Variants in MIPOL1 observed in about 807,000 individuals in gnomAD.
MIPOL1 encodes mirror-image polydactyly gene 1 protein.
A neutral mutation model predicts 60.9 loss-of-function variants in MIPOL1; 57 were observed. That is an observed-to-expected ratio of 0.94 (90% CI 0.76 to 1.17). MIPOL1 has a LOEUF of 1.17. Ranked by LOEUF, MIPOL1 falls within the 50% of genes most tolerant of loss-of-function variation. MIPOL1 has a pLI of 0.00. For missense variants in MIPOL1, 551 were observed against 511.6 expected, an observed-to-expected ratio of 1.08 and a Z score of -0.74; for synonymous variants, 179 against 168.8, an observed-to-expected ratio of 1.06 and a Z score of -0.47.
chr14:37,204,167 C>T (rs935430151), intron 1 of MIPOL1, among the ~76,000 whole-genome samples: 5 of 151,908 alleles, frequency 3.3e-5, no homozygotes, highest in Non-Finnish European at 7.4e-5. Flanking sequence ...ATGACTGCAC[C>T]CCTGGCTGAC....
At chr14:37,449,099 A>G (rs758082277) in intron 11 of MIPOL1, among the ~76,000 whole-genome samples, 3 of 152,204 alleles carry the variant, frequency 2.0e-5, no homozygotes, top group Non-Finnish European at 4.4e-5. Flanking sequence ...GTCACTTGAG[A>G]AGTATTTTTT....
chr14:37,385,053 T>C (rs2093028434), intron 10 of MIPOL1, among the ~76,000 whole-genome samples: 1 of 152,048 alleles, frequency 6.6e-6, no homozygotes, highest in Non-Finnish European at 1.5e-5. Context: ...GAGTTGTACG[T>C]TAAACTTTCC....
chr14:37,203,282 T>G (rs1188918710), intron 1 of MIPOL1, among the ~76,000 whole-genome samples: 3 of 152,198 alleles, frequency 2.0e-5, no homozygotes, highest in African/African-American at 7.2e-5. Flanking sequence ...TGTTTTAACT[T>G]TTCCTGGAAC....
intron 1 of MIPOL1, among the ~76,000 whole-genome samples, chr14:37,216,317 C>T (rs1386767988): frequency 6.6e-6 from 1 of 152,188 alleles, no homozygotes; most frequent in Admixed American, 6.5e-5. Context: ...GAGAGATAGG[C>T]TTCAATACAG....
At position 37,422,851 on chromosome 14, in the gene MIPOL1, T is replaced by G; in HGVS notation, c.937-4T>G. 5.7e-6 allele frequency: 9 copies of G among 1,588,938 alleles called. No homozygotes were observed. The highest frequency in any genetic ancestry group is 7.7e-6 in the Non-Finnish European group (9 of 1,163,720). ...GAATTTCTTAAAATATTAATTACTT[T>G]TAGGCAAAGTTGTTATCTATGCAAC... On this transcript the variant is annotated splice_region_variant and splice_polypyrimidine_tract_variant and intron_variant, in intron 10 of 12. Coordinates refer to ENST00000684589, the MANE Select transcript of MIPOL1 (RefSeq NM_001388067.1).
intron 11 of MIPOL1, among the ~76,000 whole-genome samples, chr14:37,458,317 A>G (rs1045399847): frequency 3.9e-5 from 6 of 152,224 alleles, no homozygotes; most frequent in Non-Finnish European, 8.8e-5. Context: ...GACCAAATGA[A>G]ACTAATAGAC....
Position 37,298,187 on chromosome 14 carries a change from A to C in MIPOL1, c.624-9869A>C, listed in dbSNP as rs1320412169. 2.6e-5 allele frequency among the ~76,000 whole-genome samples: 4 copies of C among 152,328 alleles called. No homozygotes were observed. In the East Asian group the frequency reaches 7.7e-4, roughly 29 times the overall value. The stretch of plus-strand genomic sequence containing the variant: ...CTGATCTTTGACAAACCTGAGAAAA[A>C]CAAGCAATGGGGAAAGGATTCCCTA... On this transcript the variant is annotated intron_variant, in intron 7 of 12. Transcript: ENST00000684589.
intron 11 of MIPOL1, among the ~76,000 whole-genome samples, chr14:37,446,935 G>T (rs1007233112): frequency 6.6e-6 from 1 of 151,298 alleles, no homozygotes; most frequent in African/African-American, 2.4e-5. Flanking sequence ...GGGGTGGGGG[G>T]AGTGGGGAGG....
At chr14:37,228,398 A>C (rs575315543) in intron 1 of MIPOL1, among the ~76,000 whole-genome samples, 1 of 133,114 alleles carries the variant, frequency 7.5e-6, no homozygotes, top group South Asian at 2.3e-4. Flanking sequence ...TTTGCAGTTC[A>C]TTGTCTTAAG....
intron 10 of MIPOL1, among the ~76,000 whole-genome samples, chr14:37,403,305 T>C (rs1242538204): frequency 2.0e-5 from 3 of 152,114 alleles, no homozygotes; most frequent in Admixed American, 2.0e-4. Context: ...GTTGGTTTTA[T>C]AGAGATGGAT....
In MIPOL1 at chr14:37,280,762, G is replaced by A. The variant is rs577093589; in HGVS notation, c.494-4556G>A. On this transcript the variant is annotated intron_variant, in intron 6 of 12. Coordinates refer to ENST00000684589, the MANE Select transcript of MIPOL1 (RefSeq NM_001388067.1). ...CAACCTCCACCTCCTGGGTTCAAGTGATTCTCATGCCTCAGCCTCCCAAAT... is the reference window on the plus strand; with the variant it reads ...CAACCTCCACCTCCTGGGTTCAAGTAATTCTCATGCCTCAGCCTCCCAAAT... Among the ~76,000 whole-genome samples, 40 of 152,234 alleles carry A rather than the reference G, an allele frequency of 2.6e-4. No homozygotes were observed. The East Asian group carries it at 6.8e-3, about 26-fold the overall frequency.
chr14:37,498,837 A>C (rs1461790687), intron 11 of MIPOL1, among the ~76,000 whole-genome samples: 2 of 152,094 alleles, frequency 1.3e-5, no homozygotes, highest in Non-Finnish European at 2.9e-5. Context: ...GCTTATAGAT[A>C]ACTTAAACTA....
chr14:37,415,263 A>T (rs1002692170), intron 10 of MIPOL1, among the ~76,000 whole-genome samples: 37 of 152,098 alleles, frequency 2.4e-4, no homozygotes, highest in Non-Finnish European at 4.7e-4. Context: ...AGTTATGTTT[A>T]AAAAAATAAT....
At chr14:37,283,296 A>G (rs2084279418) in intron 6 of MIPOL1, among the ~76,000 whole-genome samples, 2 of 151,922 alleles carry the variant, frequency 1.3e-5, no homozygotes, top group Non-Finnish European at 2.9e-5. Flanking sequence ...CAAACTCCTC[A>G]CCTCAGGTGA....
At chr14:37,290,782 T>G (rs1221882981) in intron 7 of MIPOL1, among the ~76,000 whole-genome samples, 1 of 152,006 alleles carries the variant, frequency 6.6e-6, no homozygotes, top group Non-Finnish European at 1.5e-5. Flanking sequence ...GGTTGTGGGG[T>G]TTTTTTGTAC....
At chr14:37,532,725 A>G (rs1389777670) in intron 12 of MIPOL1, among the ~76,000 whole-genome samples, 1 of 152,140 alleles carries the variant, frequency 6.6e-6, no homozygotes, top group Non-Finnish European at 1.5e-5. Flanking sequence ...CTCTTTTGGT[A>G]TGTGTTTTGT....
At position 37,304,483 on chromosome 14, in the gene MIPOL1, G is replaced by C. The variant is rs139050984; in HGVS notation, c.624-3573G>C. Reference sequence around the variant, plus strand: ...TTTTTTCAGTCTCTTTGCTATTGTTGGTACTTTTTTAACATGTTAAGTGTG... The same window carrying C: ...TTTTTTCAGTCTCTTTGCTATTGTTCGTACTTTTTTAACATGTTAAGTGTG... On this transcript the variant is annotated intron_variant, in intron 7 of 12. Coordinates refer to ENST00000684589, the MANE Select transcript of MIPOL1 (RefSeq NM_001388067.1). Among the ~76,000 whole-genome samples the C allele has an allele frequency of 3.1e-3, 465 of 151,628 alleles. 11 individuals carry two copies. The highest frequency in any genetic ancestry group is 0.024 in the Admixed American group (360 of 15,170).
intron 6 of MIPOL1, among the ~76,000 whole-genome samples, chr14:37,282,004 A>T (rs1594887120): frequency 1.3e-5 from 2 of 152,114 alleles, no homozygotes; most frequent in East Asian, 3.9e-4. Flanking sequence ...CTTAGAATAC[A>T]TAAATGGTAA....
chr14:37,429,733 T>C (rs528148598), intron 11 of MIPOL1, among the ~76,000 whole-genome samples: 1 of 152,234 alleles, frequency 6.6e-6, no homozygotes, highest in East Asian at 1.9e-4. Flanking sequence ...TAAATTTTAT[T>C]CAGTATAGGT....
Sources: allele counts gnomAD v4.1 joint callset (sites outside exome capture counted in the v4.1 genomes callset), GRCh38; gene constraint gnomAD v4.1.1; transcripts MANE v1.5; gene names NCBI Gene and HGNC (gene_info 2026-07-23, HGNC 2026-07-21).